Variants in LSG1 observed in about 807,000 individuals in gnomAD.
The protein encoded by LSG1 is large subunit GTPase 1 homolog.
A neutral mutation model predicts 82.6 loss-of-function variants in LSG1; 55 were observed. That is an observed-to-expected ratio of 0.67 (90% CI 0.54 to 0.83). The LOEUF is 0.83. Among genes scored for constraint, LSG1 ranks in the 40% least tolerant of loss-of-function variants. The probability of loss-of-function intolerance (pLI) is 0.00; values close to 1 mark genes in which losing one functional copy is unlikely to be tolerated. For missense variants in LSG1, 809 were observed against 807.9 expected, an observed-to-expected ratio of 1.00 and a Z score of -0.02; for synonymous variants, 272 against 282.5, an observed-to-expected ratio of 0.96 and a Z score of 0.37.
chr3:194,652,615 C>T (rs1211192063), intron 8 of LSG1, 114 bp downstream of exon 8: 2 of 1,147,358 alleles, frequency 1.7e-6, no homozygotes, highest in Non-Finnish European at 2.5e-6. Flanking sequence ...AACAAGAGGG[C>T]AATGTTCCCT....
chr3:194,652,904 C>T lies in LSG1; in HGVS notation c.998G>A (p.Ser333Asn). ...AGTAGAGCTTTCCTTCCAGTCCTGG[C>T]TGCAGTCCTCTTCCTTGGGACCGTC... Reference protein sequence around the residue: ...EEDGPKEEDCSQDWKESSTAD... With the variant: ...EEDGPKEEDCNQDWKESSTAD... The change falls in exon 8 of 14, where the codon AGC (serine) becomes AAC (asparagine). Residue 333 changes from serine to asparagine, a missense_variant. By Grantham distance (46) the Ser-to-Asn change is conservative. Transcript: ENST00000265245. 1 of 1,614,174 alleles carries T rather than the reference C, an allele frequency of 6.2e-7. No individual in the cohort carries two copies. Among genetic ancestry groups the T allele is most frequent in the Non-Finnish European group, 8.5e-7 (1 of 1,180,034 alleles).
At chr3:194,658,216 C>G (rs997363940) in intron 7 of LSG1, among the ~76,000 whole-genome samples, 1 of 152,120 alleles carries the variant, frequency 6.6e-6, no homozygotes, top group Admixed American at 6.6e-5. Context: ...GGCATGATCT[C>G]GGTTCACTAC....
At chr3:194,647,982 A>T (rs1718587978) in intron 11 of LSG1, among the ~76,000 whole-genome samples, 1 of 152,144 alleles carries the variant, frequency 6.6e-6, no homozygotes, top group South Asian at 2.1e-4. Context: ...TTTCTCTGCC[A>T]GTAAATACTC....
intron 5 of LSG1, 56 bp from the exon 6 acceptor site, chr3:194,660,189 A>C (rs1718896425): frequency 7.2e-7 from 1 of 1,382,460 alleles, no homozygotes; most frequent in Non-Finnish European, 1.0e-6. Flanking sequence ...GATTTTACTA[A>C]CCACATAATA....
chr3:194,644,536 G>A, intron 13 of LSG1, 37 bp downstream of exon 13: 1 of 1,540,154 alleles, frequency 6.5e-7, no homozygotes, highest in Non-Finnish European at 8.9e-7. Context: ...TAAAAAGAGT[G>A]TTGGATCAGA....
intron 7 of LSG1, among the ~76,000 whole-genome samples, chr3:194,658,072 G>T (rs940387901): frequency 5.3e-5 from 8 of 152,142 alleles, no homozygotes; most frequent in African/African-American, 1.7e-4. Flanking sequence ...GGGAGAAAAG[G>T]ACAGGGAAAA....
At chr3:194,643,528 TAAAAA>T (rs993370398) in intron 13 of LSG1, among the ~76,000 whole-genome samples, 6 of 151,292 alleles carry the variant, frequency 4.0e-5, no homozygotes, top group South Asian at 4.2e-4. Context: ...ATGGCTAAAA[TAAAAA>T]AAAAATGGGA....
rs529277092 is a variant in LSG1, at chr3:194,665,782, G to A, written c.435-139C>T. On this transcript the variant is annotated intron_variant, in intron 4 of 13. Transcript: ENST00000265245. ...AGTCAAATTATTTTATATATTTCCT[G>A]CTGAGACACCATAAAAATACTATTT... The A allele has an allele frequency of 3.2e-4, 182 of 571,752 alleles. No homozygotes were observed. In the Middle Eastern group the frequency reaches 4.6e-3, roughly 14 times the overall value. 35.4% of individuals were successfully genotyped at this position (571,752 alleles called of 1,614,324 possible). A position where few individuals can be genotyped will look rare whatever the true frequency, so the allele number is the denominator to read the frequency against.
chr3:194,665,856 T>C (rs984573490), intron 4 of LSG1, among the ~76,000 whole-genome samples: 1 of 152,242 alleles, frequency 6.6e-6, no homozygotes, highest in African/African-American at 2.4e-5. Flanking sequence ...AAGCTATTTA[T>C]GCCCTGGAAG....
In LSG1 at chr3:194,641,864, C is replaced by T. The variant is rs1718398190; in HGVS notation, c.*204G>A. The T allele has an allele frequency of 2.1e-6, 1 of 477,744 alleles. No homozygotes were observed. Among genetic ancestry groups the T allele is most frequent in the Non-Finnish European group, 3.6e-6 (1 of 275,156 alleles). The allele number at this position is 477,744 out of a possible 1,614,324, so 29.6% of individuals were successfully genotyped here. A position where few individuals can be genotyped will look rare whatever the true frequency, so the allele number is the denominator to read the frequency against. ...CCCGGCCAGGAGTAGGATTCTCGGGCTCCCAGATGACTCCTTTTTGTCAGA... is the reference window on the plus strand; with the variant it reads ...CCCGGCCAGGAGTAGGATTCTCGGGTTCCCAGATGACTCCTTTTTGTCAGA... On this transcript the variant is annotated 3_prime_UTR_variant, in exon 14 of 14. Coordinates refer to ENST00000265245, the MANE Select transcript of LSG1 (RefSeq NM_018385.3).
chr3:194,649,478 G>T (rs1718627322), intron 10 of LSG1, among the ~76,000 whole-genome samples: 1 of 150,162 alleles, frequency 6.7e-6, no homozygotes, highest in Non-Finnish European at 1.5e-5. Context: ...GAGGTCAAGA[G>T]TTTGAGACCA....
rs200785668 is a variant in LSG1, at chr3:194,651,185, G to A, written c.1205C>T (p.Thr402Ile). ...VGYPNVGKSS[T>I]INTIMGNKKV... ...CTTGTTGCCCATGATGGTGTTGATT[G>A]TTGAACTCTTACCAACATTAGGGTA... Residue 402 changes from threonine (T) to isoleucine (I), a missense_variant, in exon 9 of 14, where the codon ACA becomes ATA. Coordinates refer to ENST00000265245, the MANE Select transcript of LSG1 (RefSeq NM_018385.3). 9.2e-5 allele frequency: 149 copies of A among 1,614,038 alleles called. No individual in the cohort carries two copies. Among genetic ancestry groups the A allele is most frequent in the Non-Finnish European group, 1.6e-5 (19 of 1,179,992 alleles).
At position 194,642,211 on chromosome 3, in the gene LSG1, C is replaced by T; in HGVS notation, c.1834G>A (p.Val612Met). ...CCACTCCCGGGCTTGTAACCCATCACAGCCTGGACTCCTTTGGTCAAAGCC... is the reference window on the plus strand; with the variant it reads ...CCACTCCCGGGCTTGTAACCCATCATAGCCTGGACTCCTTTGGTCAAAGCC... The part of the protein sequence containing the change: ...VRALTKGVQA[V>M]MGYKPGSGVV... The change falls in exon 14 of 14, where the codon GTG (valine) becomes ATG (methionine). Residue 612 changes from valine (V) to methionine (M), a missense_variant. Physicochemically the swap from Val to Met is conservative, Grantham distance 21. Coordinates refer to ENST00000265245, the MANE Select transcript of LSG1 (RefSeq NM_018385.3). 1.2e-6 allele frequency: 2 copies of T among 1,614,102 alleles called. No homozygotes were observed. The highest frequency in any genetic ancestry group is 1.7e-6 in the Non-Finnish European group (2 of 1,180,006).
chr3:194,670,236 G>T, intron 1 of LSG1, 101 bp from the exon 2 acceptor site: 1 of 1,265,762 alleles, frequency 7.9e-7, no homozygotes. Flanking sequence ...TCTTGAGGGT[G>T]GTTGTAGTCC....
intron 1 of LSG1, 144 bp from the exon 2 acceptor site, chr3:194,670,279 T>C (rs1259638304): frequency 2.9e-6 from 2 of 697,298 alleles, no homozygotes; most frequent in Non-Finnish European, 4.7e-6. Flanking sequence ...AGTTAATGTT[T>C]AAAGGAACAC....
intron 1 of LSG1, among the ~76,000 whole-genome samples, chr3:194,670,464 T>C (rs1719121254): frequency 6.6e-6 from 1 of 152,224 alleles, no homozygotes; most frequent in Non-Finnish European, 1.5e-5. Context: ...GAACCCAGAT[T>C]GTCTGACTGT....
At chr3:194,648,913 C>T in intron 10 of LSG1, 109 bp from the exon 11 acceptor site, 1 of 1,077,034 alleles carries the variant, frequency 9.3e-7, no homozygotes. Context: ...CAAACACTCT[C>T]TCCTCTCCAA....
At position 194,667,923 on chromosome 3, in the gene LSG1, C is replaced by CAAAAAAAAAAAAAAA. The variant is rs1170566137; in HGVS notation, c.227-1366_227-1352dup. ...GGGCGACAAGAGAGAGACTCCGTCTCAAAAAAAAAAAAAAAAAAAATATAT... is the reference window on the plus strand; with the variant it reads ...GGGCGACAAGAGAGAGACTCCGTCTCAAAAAAAAAAAAAAAAAAAAAAAAAAAAAAAAAAATATAT... On this transcript the variant is annotated intron_variant, in intron 2 of 13. Transcript: ENST00000265245. Among the ~76,000 whole-genome samples the CAAAAAAAAAAAAAAA allele has an allele frequency of 8.6e-4, 11 of 12,840 alleles. 5 individuals carry two copies. The highest frequency in any genetic ancestry group is 7.4e-3 in the South Asian group (2 of 270). The allele number at this position is 12,840 out of a possible 152,430, so 8.4% of individuals were successfully genotyped here.
At position 194,651,168 on chromosome 3, in the gene LSG1, C is replaced by T. The variant is rs1322802714; in HGVS notation, c.1222G>A (p.Gly408Ser). The change falls in exon 9 of 14, where the codon GGC becomes AGC. Residue 408 changes from glycine (G) to serine (S), a missense_variant. Gly to Ser is a moderately conservative substitution (Grantham distance 56). Transcript: ENST00000265245. ...GKSSTINTIM[G>S]NKKVSVSATP... ...GCAGACACAGATACTTTCTTGTTGC[C>T]CATGATGGTGTTGATTGTTGAACTC... 2 of 1,613,994 alleles carry T rather than the reference C, an allele frequency of 1.2e-6. No individual in the cohort carries two copies. The highest frequency in any genetic ancestry group is 1.7e-6 in the Non-Finnish European group (2 of 1,180,040).
Sources: allele counts gnomAD v4.1 joint callset (sites outside exome capture counted in the v4.1 genomes callset), GRCh38; gene constraint gnomAD v4.1.1; transcripts MANE v1.5; gene names NCBI Gene and HGNC (gene_info 2026-07-23, HGNC 2026-07-21).